The following DPP10 variants were observed in gnomAD, a reference collection of about 807,000 sequenced individuals.
DPP10 encodes dipeptidyl peptidase like 10, also known as inactive dipeptidyl peptidase 10.
A neutral mutation model predicts 120.9 loss-of-function variants in DPP10; 33 were observed. The ratio of observed to expected loss-of-function variants is 0.27; its 90% CI spans 0.21 to 0.37. DPP10 has a LOEUF of 0.37. Among genes scored for constraint, DPP10 ranks in the 10% least tolerant of loss-of-function variants. The pLI, the probability that DPP10 is intolerant of heterozygous loss-of-function variation, is 1.00. For synonymous variants in DPP10, 337 were observed against 326.1 expected (o/e 1.03, Z -0.36); for missense variants, 816 against 942.8 (o/e 0.87, Z 1.76).
At chr2:114,497,668 G>A (rs531410477) in intron 1 of DPP10, among the ~76,000 whole-genome samples, 87 of 152,136 alleles carry the variant, frequency 5.7e-4, no homozygotes, top group African/African-American at 2.0e-3. Context: ...TTTCCATATC[G>A]AAAATGAAAA....
intron 3 of DPP10, among the ~76,000 whole-genome samples, chr2:115,439,408 C>T (rs1026467614): frequency 1.3e-5 from 2 of 152,200 alleles, no homozygotes; most frequent in Non-Finnish European, 2.9e-5. Flanking sequence ...GATGTTTGCA[C>T]TGCAGTGTGA....
At chr2:115,256,111 A>C (rs536907981) in intron 1 of DPP10, among the ~76,000 whole-genome samples, 8 of 152,348 alleles carry the variant, frequency 5.3e-5, no homozygotes, top group Non-Finnish European at 1.0e-4. Flanking sequence ...AAAGAAGTTT[A>C]ATTGACTCAC....
At chr2:115,554,001 T>TCACA (rs71881888) in intron 5 of DPP10, among the ~76,000 whole-genome samples, 5,216 of 135,506 alleles carry the variant, frequency 0.038, 120 homozygotes, top group East Asian at 0.088. Flanking sequence ...TCTCTCTCTT[T>TCACA]CACACACACA....
intron 1 of DPP10, among the ~76,000 whole-genome samples, chr2:115,299,410 G>A (rs2061025810): frequency 6.6e-6 from 1 of 151,978 alleles, no homozygotes; most frequent in Admixed American, 6.6e-5. Context: ...GGAGGCTTCA[G>A]CAGTGAAAGG....
intron 3 of DPP10, among the ~76,000 whole-genome samples, chr2:115,490,751 T>C (rs1206236630): frequency 6.6e-6 from 1 of 152,214 alleles, no homozygotes; most frequent in Non-Finnish European, 1.5e-5. Flanking sequence ...AAGTAGGTTA[T>C]GAGAGTTGAG....
At chr2:115,062,595 G>A (rs1036734575) in intron 1 of DPP10, among the ~76,000 whole-genome samples, 11 of 152,068 alleles carry the variant, frequency 7.2e-5, no homozygotes, top group East Asian at 1.9e-4. Context: ...CTGTGTCTAC[G>A]TGTTCACATT....
intron 1 of DPP10, among the ~76,000 whole-genome samples, chr2:114,587,913 AG>A (rs1691137844): frequency 6.6e-6 from 1 of 152,232 alleles, no homozygotes; most frequent in African/African-American, 2.4e-5. Context: ...ATCTTAAACA[AG>A]AAACATATTG....
intron 1 of DPP10, among the ~76,000 whole-genome samples, chr2:115,058,060 C>T (rs990127488): frequency 6.6e-6 from 1 of 152,236 alleles, no homozygotes. Flanking sequence ...CCTGCGATTG[C>T]TCTGCGGGGC....
At chr2:115,577,915 T>G (rs1449833573) in intron 5 of DPP10, among the ~76,000 whole-genome samples, 2 of 152,218 alleles carry the variant, frequency 1.3e-5, no homozygotes, top group African/African-American at 4.8e-5. Flanking sequence ...AACTGGCTGT[T>G]AGGACTTCAG....
intron 3 of DPP10, among the ~76,000 whole-genome samples, chr2:115,396,280 C>A (rs1431912971): frequency 1.3e-5 from 2 of 152,092 alleles, no homozygotes; most frequent in Admixed American, 6.5e-5. Context: ...TTTTAGAAAT[C>A]AAGGTTATAC....
chr2:115,122,171 G>A (rs534110576), intron 1 of DPP10, among the ~76,000 whole-genome samples: 258 of 152,242 alleles, frequency 1.7e-3, no homozygotes, highest in African/African-American at 5.9e-3. Context: ...TGCTTACTGG[G>A]TACCCATAAC....
intron 1 of DPP10, among the ~76,000 whole-genome samples, chr2:114,854,550 A>C (rs1689222812): frequency 6.6e-6 from 1 of 152,142 alleles, no homozygotes; most frequent in Admixed American, 6.6e-5. Context: ...AGAGTTTACC[A>C]TCTCAGAGGA....
chr2:115,226,322 G>A (rs2057432411), intron 1 of DPP10, among the ~76,000 whole-genome samples: 1 of 152,074 alleles, frequency 6.6e-6, no homozygotes, highest in Admixed American at 6.6e-5. Context: ...GTACGTGTGA[G>A]TAAATGTATT....
chr2:115,460,326 G>A (rs1313688449), intron 3 of DPP10, among the ~76,000 whole-genome samples: 4 of 152,004 alleles, frequency 2.6e-5, no homozygotes, highest in Admixed American at 1.3e-4. Context: ...CTCTTGGCAC[G>A]TAAGTAGAAG....
chr2:115,689,824 T>C lies in DPP10; in HGVS notation c.495-16T>C. The C allele has an allele frequency of 1.2e-6, 2 of 1,609,178 alleles. No homozygotes were observed. The highest frequency in any genetic ancestry group is 1.7e-6 in the Non-Finnish European group (2 of 1,178,196). On this transcript the variant is annotated splice_polypyrimidine_tract_variant and intron_variant, in intron 6 of 25. Transcript: ENST00000410059. ...ATATCAGTTTGTTCATGTAAAAATA[T>C]TCACATTTTTTCAAGGGAAGTTTGG...
chr2:115,248,251 A>T (rs1054930088), intron 1 of DPP10, among the ~76,000 whole-genome samples: 13 of 152,120 alleles, frequency 8.5e-5, no homozygotes, highest in African/African-American at 3.1e-4. Context: ...TCTCTCTAGG[A>T]CTCAAGTATG....
chr2:115,322,831 A>G (rs1465002548), intron 2 of DPP10, among the ~76,000 whole-genome samples: 1 of 152,144 alleles, frequency 6.6e-6, no homozygotes, highest in African/African-American at 2.4e-5. Flanking sequence ...CAATCGCATT[A>G]TGTATTATAA....
At chr2:114,810,409 G>T (rs1398436809) in intron 1 of DPP10, among the ~76,000 whole-genome samples, 6 of 152,162 alleles carry the variant, frequency 3.9e-5, no homozygotes, top group East Asian at 1.9e-4. Flanking sequence ...GCCATCATGG[G>T]TTAATAATTT....
At chr2:114,597,352 TA>T (rs1473137526) in intron 1 of DPP10, among the ~76,000 whole-genome samples, 1 of 152,036 alleles carries the variant, frequency 6.6e-6, no homozygotes, top group Non-Finnish European at 1.5e-5. Flanking sequence ...TTTTTCCATG[TA>T]AGTTACAAAG....
Sources: gnomAD v4.1 joint callset for allele counts (sites outside exome capture counted in the v4.1 genomes callset) on GRCh38, gnomAD v4.1.1 for gene constraint, MANE v1.5 for transcripts, NCBI Gene and HGNC (gene_info 2026-07-23, HGNC 2026-07-21) for gene names.